Variants in DRC1 observed in about 807,000 individuals in gnomAD.
The protein encoded by DRC1 is dynein regulatory complex protein 1.
Under a neutral mutation model 98.7 loss-of-function variants are expected in DRC1, and 74 were observed. The ratio of observed to expected loss-of-function variants is 0.75; its 90% CI spans 0.62 to 0.91. DRC1 has a LOEUF of 0.91. Among genes scored for constraint, DRC1 ranks in the 40% least tolerant of loss-of-function variants. The pLI is 0.00. For missense variants in DRC1, 875 were observed against 886.0 expected (o/e 0.99, Z 0.16); for synonymous variants, 336 against 334.1 (o/e 1.01, Z -0.06).
chr2:26,425,610 G>A (rs974776644), intron 4 of DRC1, among the ~76,000 whole-genome samples: 6 of 152,024 alleles, frequency 3.9e-5, no homozygotes, highest in Admixed American at 6.6e-5. Context: ...GATAGCTTCC[G>A]TGTTGATGGT....
rs1254819807 is a variant in DRC1, at chr2:26,454,860, C to T, written c.2063+70C>T. 10 of 1,599,914 alleles carry T rather than the reference C, an allele frequency of 6.3e-6. No individual in the cohort carries two copies. The highest frequency in any genetic ancestry group is 1.7e-4 in the Middle Eastern group (1 of 5,882). ...GAGGAACGGTTGTTGGGAGCAGCCGCGTTTGCTGCCTCCCTGTCCCACTGA... is the reference window on the plus strand; with the variant it reads ...GAGGAACGGTTGTTGGGAGCAGCCGTGTTTGCTGCCTCCCTGTCCCACTGA... On this transcript the variant is annotated intron_variant, in intron 15 of 16. Transcript: ENST00000288710. This position sits in a 1 kb window ranked among gnomAD's most constrained non-coding sequence, Gnocchi z 5.2.
rs759328255 is a variant in DRC1 at position 26,452,684 on chromosome 2, C to T, written c.1690-636C>T. ...TATTTAATAATATATGGTATGTCTA[C>T]ACGATGGGGTACTATAAAACTGTGG... On this transcript the variant is annotated intron_variant, in intron 13 of 16. Transcript: ENST00000288710. Among the ~76,000 whole-genome samples the T allele has an allele frequency of 5.3e-5, 8 of 152,158 alleles. 1 individual carries two copies. Among genetic ancestry groups the T allele is most frequent in the Non-Finnish European group, 1.0e-4 (7 of 68,036 alleles).
At chr2:26,451,109 A>G (rs1446086065) in intron 13 of DRC1, among the ~76,000 whole-genome samples, 1 of 152,184 alleles carries the variant, frequency 6.6e-6, no homozygotes, top group African/African-American at 2.4e-5. Context: ...CTGGAGAAAT[A>G]GCGGGGCTTT....
At position 26,402,248 on chromosome 2, in the gene DRC1, T is replaced by C; in HGVS notation, c.155+104T>C. The C allele has an allele frequency of 2.1e-6, 3 of 1,430,882 alleles. No individual in the cohort carries two copies. The South Asian group carries it at 4.4e-5, about 21-fold the overall frequency. 88.6% of individuals were successfully genotyped at this position (1,430,882 alleles called of 1,614,324 possible). On this transcript the variant is annotated intron_variant, in intron 1 of 16. Coordinates refer to ENST00000288710, the MANE Select transcript of DRC1 (RefSeq NM_145038.5). ...TTTCTTCGGGAAGGTTCAGGCAGAGTATGGGAAAGTAAAACGCTGGGCCGG... is the reference window on the plus strand; with the variant it reads ...TTTCTTCGGGAAGGTTCAGGCAGAGCATGGGAAAGTAAAACGCTGGGCCGG...
At chr2:26,420,565 A>G (rs1420785183) in intron 2 of DRC1, among the ~76,000 whole-genome samples, 2 of 152,204 alleles carry the variant, frequency 1.3e-5, no homozygotes, top group Non-Finnish European at 2.9e-5. Context: ...TCTACAGTGA[A>G]TAAATAAAGT....
chr2:26,449,332 G>A (rs886746398), intron 11 of DRC1, among the ~76,000 whole-genome samples: 2 of 152,238 alleles, frequency 1.3e-5, no homozygotes, highest in African/African-American at 4.8e-5. Flanking sequence ...TGGATCTTAC[G>A]GTTCTGAAGT....
chr2:26,444,089 A>C, intron 8 of DRC1, 133 bp from the exon 9 acceptor site: 1 of 1,274,548 alleles, frequency 7.8e-7, no homozygotes, highest in Non-Finnish European at 1.1e-6. Context: ...GTGTTTTGGA[A>C]TATATGGGAG....
chr2:26,409,305 C>A (rs920863412), intron 1 of DRC1, among the ~76,000 whole-genome samples: 1 of 152,186 alleles, frequency 6.6e-6, no homozygotes, highest in African/African-American at 2.4e-5. Context: ...TTTATCCTGA[C>A]ACCATATTAC....
chr2:26,412,988 T>A (rs1340718351), intron 1 of DRC1, among the ~76,000 whole-genome samples: 1 of 152,200 alleles, frequency 6.6e-6, no homozygotes, highest in Non-Finnish European at 1.5e-5. Context: ...TTCACCGTGT[T>A]AGCCAGGGTA....
chr2:26,430,637 C>T (rs563833079), intron 5 of DRC1, 149 bp from the exon 6 acceptor site: 7 of 810,134 alleles, frequency 8.6e-6, no homozygotes, highest in African/African-American at 8.4e-5. Flanking sequence ...GCCATTTGGT[C>T]TTATGAAACT....
chr2:26,437,597 G>A (rs1225485865), intron 7 of DRC1, among the ~76,000 whole-genome samples: 1 of 152,104 alleles, frequency 6.6e-6, no homozygotes, highest in African/African-American at 2.4e-5. Flanking sequence ...TTTTGACTTA[G>A]TCATTTCACT....
In DRC1 at chr2:26,454,673, A is replaced by G. The variant is rs1465586403; in HGVS notation, c.1946A>G (p.Gln649Arg). Reference sequence around the variant, plus strand: ...GACTCGCGGGCCCCGCTGAGGGTACAGAAGAATGTGCGTGACAACTCCAAG... The same window carrying G: ...GACTCGCGGGCCCCGCTGAGGGTACGGAAGAATGTGCGTGACAACTCCAAG... ...PRDSRAPLRV[Q>R]KNVRDNSKDS... Residue 649 changes from glutamine (Q) to arginine (R), a missense_variant, in exon 15 of 17, where the codon CAG becomes CGG. Transcript: ENST00000288710. The surrounding 1 kb of genome is among the most constrained non-coding windows in gnomAD (Gnocchi z 5.2). The G allele has an allele frequency of 1.2e-6, 2 of 1,614,120 alleles. No individual in the cohort carries two copies. The highest frequency in any genetic ancestry group is 1.7e-5 in the Admixed American group (1 of 60,024).
intron 13 of DRC1, 111 bp downstream of exon 13, chr2:26,450,792 C>T (rs1385821709): frequency 7.2e-6 from 6 of 834,810 alleles, no homozygotes; most frequent in Non-Finnish European, 8.4e-6. Flanking sequence ...AGGTTTGTTA[C>T]ATAGGTATAC....
Position 26,414,322 on chromosome 2 carries a change from T to C in DRC1, c.156-22T>C, listed in dbSNP as rs1201147748. 6 of 1,611,814 alleles carry C rather than the reference T, an allele frequency of 3.7e-6. No individual in the cohort carries two copies. In the African/African-American group the frequency reaches 4.0e-5, roughly 11 times the overall value. On this transcript the variant is annotated intron_variant, in intron 1 of 16. Coordinates refer to ENST00000288710, the MANE Select transcript of DRC1 (RefSeq NM_145038.5). ...TTACGTATTAGAAATAACTTCATTT[T>C]CTCTGCTTTTTTCCATCACAGGGAA...
At chr2:26,402,608 G>A (rs1558429978) in intron 1 of DRC1, among the ~76,000 whole-genome samples, 2 of 152,234 alleles carry the variant, frequency 1.3e-5, no homozygotes, top group African/African-American at 4.8e-5. Context: ...AGTGCGGGAT[G>A]TATTGTCTCT....
chr2:26,403,352 AT>A (rs1454080402), intron 1 of DRC1, among the ~76,000 whole-genome samples: 5 of 152,172 alleles, frequency 3.3e-5, no homozygotes, highest in Non-Finnish European at 7.3e-5. Context: ...GGATAAATTT[AT>A]GGTGACACGA....
At chr2:26,445,368 C>A (rs2148001315) in intron 10 of DRC1, among the ~76,000 whole-genome samples, 1 of 152,286 alleles carries the variant, frequency 6.6e-6, no homozygotes, top group African/African-American at 2.4e-5. Flanking sequence ...ATCTTCCCTT[C>A]CTCAGCAATT....
intron 2 of DRC1, among the ~76,000 whole-genome samples, chr2:26,417,734 G>A (rs923947166): frequency 2.0e-5 from 3 of 152,164 alleles, no homozygotes; most frequent in African/African-American, 7.2e-5. Flanking sequence ...TAATCCATGG[G>A]AGGTATTCTT....
At chr2:26,404,029 G>A (rs1286374261) in intron 1 of DRC1, among the ~76,000 whole-genome samples, 1 of 152,044 alleles carries the variant, frequency 6.6e-6, no homozygotes, top group Non-Finnish European at 1.5e-5. Context: ...GAACCCAGGA[G>A]GCGGAGGTTG....
Sources: gnomAD v4.1 joint callset for allele counts (sites outside exome capture counted in the v4.1 genomes callset) on GRCh38, gnomAD v4.1.1 for gene constraint, Gnocchi (gnomAD v3.1) non-coding constraint, MANE v1.5 for transcripts, NCBI Gene and HGNC (gene_info 2026-07-23, HGNC 2026-07-21) for gene names.